The following CADPS variants were observed in gnomAD, a reference collection of about 807,000 sequenced individuals.
The protein encoded by CADPS is calcium-dependent secretion activator 1.
CADPS carries 57 observed loss-of-function variants against 167.3 expected under a neutral mutation model. That is an observed-to-expected ratio of 0.34 (90% CI 0.28 to 0.42). CADPS has a LOEUF of 0.42. Among genes scored for constraint, CADPS ranks in the 20% least tolerant of loss-of-function variants. The pLI is 1.00. For synonymous variants in CADPS, 676 were observed against 635.3 expected (o/e 1.06, Z -0.96); for missense variants, 1,414 against 1,738.1 (o/e 0.81, Z 3.32).
chr3:62,759,901 A>AT (rs1160605755), intron 2 of CADPS, among the ~76,000 whole-genome samples: 1 of 152,166 alleles, frequency 6.6e-6, no homozygotes, highest in African/African-American at 2.4e-5. Context: ...GGCAAGGTGC[A>AT]TTTTCATTTC....
Position 62,474,005 on chromosome 3 carries a change from C to G in CADPS, c.3477+168G>C. 3.8e-6 allele frequency: 2 copies of G among 525,920 alleles called. 1 individual carries two copies. The highest frequency in any genetic ancestry group is 6.4e-5 in the South Asian group (2 of 31,428). The allele number at this position is 525,920 out of a possible 1,614,324, so 32.6% of individuals were successfully genotyped here. A position where few individuals can be genotyped will look rare whatever the true frequency, so the allele number is the denominator to read the frequency against. ...TCTCATCAGCACATGCCTTAGAAAT[C>G]TACTTGACAAACAGATACTGAACAC... On this transcript the variant is annotated intron_variant, in intron 24 of 29. Coordinates refer to ENST00000383710, the MANE Select transcript of CADPS (RefSeq NM_003716.4).
rs771152842 is a variant in CADPS at position 62,765,877 on chromosome 3, G to A, written c.549C>T (p.Tyr183=). Residue 183 remains tyrosine, a synonymous_variant, in exon 2 of 30, where the codon TAC becomes TAT. Transcript: ENST00000383710. The stretch of plus-strand genomic sequence containing the variant: ...TCTGAACAGTGATTCTCACCTCATA[G>A]TAACTCTGCACAGCGTTCATGAAGG... ...DEAFMNAVQS[Y]YEVFLKSDRV... 1 of 1,606,596 alleles carries A rather than the reference G, an allele frequency of 6.2e-7. No individual in the cohort carries two copies. Among genetic ancestry groups the A allele is most frequent in the South Asian group, 1.1e-5 (1 of 90,832 alleles).
intron 1 of CADPS, among the ~76,000 whole-genome samples, chr3:62,776,837 C>T (rs1028839151): frequency 2.0e-5 from 3 of 151,698 alleles, no homozygotes; most frequent in East Asian, 1.9e-4. Context: ...AGAGGAAGGC[C>T]GTAGGGAGAA....
intron 28 of CADPS, among the ~76,000 whole-genome samples, chr3:62,408,977 G>C (rs1281438010): frequency 6.6e-6 from 1 of 152,202 alleles, no homozygotes; most frequent in East Asian, 1.9e-4. Flanking sequence ...GCACTCACGT[G>C]CATGTACAAT....
intron 3 of CADPS, among the ~76,000 whole-genome samples, chr3:62,740,971 T>C (rs1290285875): frequency 6.6e-6 from 1 of 152,232 alleles, no homozygotes; most frequent in African/African-American, 2.4e-5. Context: ...ATGGATTTTA[T>C]TCCTTCAAAT....
At chr3:62,842,287 G>T (rs2076754829) in intron 1 of CADPS, among the ~76,000 whole-genome samples, 1 of 152,162 alleles carries the variant, frequency 6.6e-6, no homozygotes, top group Non-Finnish European at 1.5e-5. Flanking sequence ...TTCAGATGAG[G>T]AAACTGAGGT....
At position 62,445,791 on chromosome 3, in the gene CADPS, C is replaced by A; in HGVS notation, c.3643G>T (p.Ala1215Ser). The A allele has an allele frequency of 6.6e-7, 1 of 1,518,342 alleles. No individual in the cohort carries two copies. Among genetic ancestry groups the A allele is most frequent in the Non-Finnish European group, 8.7e-7 (1 of 1,143,880 alleles). The allele number at this position is 1,518,342 out of a possible 1,614,324, so 94.1% of individuals were successfully genotyped here. ...FSSFLSFTVKAASKYVDVPKP... is the reference protein window; with the variant it reads ...FSSFLSFTVKSASKYVDVPKP... ...GGTACATCCACATATTTGGAAGCTG[C>A]CTTCACCTAAAGAGGAAAGAAGAGG... Residue 1215 changes from alanine (A) to serine (S), a missense_variant, in exon 27 of 30, where the codon GCA becomes TCA. Around this residue, in one of 6 missense-constraint regions of CADPS, gnomAD observed 185 missense variants for 251.5 expected, o/e 0.74. Coordinates refer to ENST00000383710, the MANE Select transcript of CADPS (RefSeq NM_003716.4).
At position 62,602,064 on chromosome 3, in the gene CADPS, A is replaced by T. The variant is rs906886057; in HGVS notation, c.1326-9316T>A. Among the ~76,000 whole-genome samples, 3 of 152,154 alleles carry T rather than the reference A, an allele frequency of 2.0e-5. No homozygotes were observed. Among genetic ancestry groups the T allele is most frequent in the Admixed American group, 2.0e-4 (3 of 15,276 alleles). ...TAATCAAATACACACAGTAATTTTC[A>T]TTAGAATTTTTCCCCCCATGAACAA... On this transcript the variant is annotated intron_variant, in intron 6 of 29. Coordinates refer to ENST00000383710, the MANE Select transcript of CADPS (RefSeq NM_003716.4). This position sits in a 1 kb window ranked among gnomAD's most constrained non-coding sequence, Gnocchi z 4.4.
At position 62,875,249 on chromosome 3, in the gene CADPS, G is replaced by T; in HGVS notation, c.-220C>A. 1 of 400,744 alleles carries T rather than the reference G, an allele frequency of 2.5e-6. No individual in the cohort carries two copies. Among genetic ancestry groups the T allele is most frequent in the Non-Finnish European group, 4.1e-6 (1 of 244,580 alleles). The allele number at this position is 400,744 out of a possible 1,614,324, so 24.8% of individuals were successfully genotyped here. ...GAAGCGCGAAGGGAGGAGGGGAAGG[G>T]AGAGGTGCGTCCGTGGACTCGAGGT... On this transcript the variant is annotated 5_prime_UTR_variant, in exon 1 of 30. Transcript: ENST00000383710.
intron 3 of CADPS, among the ~76,000 whole-genome samples, chr3:62,717,467 C>T (rs1354417264): frequency 6.6e-6 from 1 of 152,150 alleles, no homozygotes; most frequent in African/African-American, 2.4e-5. Flanking sequence ...ACTCCGCCCT[C>T]CTCCAAACCG....
intron 1 of CADPS, among the ~76,000 whole-genome samples, chr3:62,771,731 G>A (rs892060690): frequency 2.0e-5 from 3 of 152,176 alleles, no homozygotes; most frequent in African/African-American, 7.2e-5. Flanking sequence ...GATTATTGTA[G>A]AAGACAGTGC....
rs72891969 is a variant in CADPS at position 62,596,872 on chromosome 3, A to G, written c.1326-4124T>C. Among the ~76,000 whole-genome samples the G allele has an allele frequency of 8.3e-3, 1,263 of 152,338 alleles. 15 individuals carry two copies. The highest frequency in any genetic ancestry group is 0.025 in the African/African-American group (1,050 of 41,580). On this transcript the variant is annotated intron_variant, in intron 6 of 29. Coordinates refer to ENST00000383710, the MANE Select transcript of CADPS (RefSeq NM_003716.4). ...GCCATTTCACAGATGAGAAAACTGA[A>G]GAGACACTCAAAGATCTTGCCTATT...
intron 6 of CADPS, among the ~76,000 whole-genome samples, chr3:62,603,361 A>T (rs2060236843): frequency 6.6e-6 from 1 of 152,242 alleles, no homozygotes; most frequent in Non-Finnish European, 1.5e-5. Flanking sequence ...TCCATGCTAT[A>T]AACTTCATAA....
At chr3:62,538,303 A>ATG (rs1308859020) in intron 11 of CADPS, among the ~76,000 whole-genome samples, 3 of 152,194 alleles carry the variant, frequency 2.0e-5, no homozygotes, top group African/African-American at 7.2e-5. Flanking sequence ...CTTCTAGGGC[A>ATG]TGTGTGTGAC....
intron 1 of CADPS, among the ~76,000 whole-genome samples, chr3:62,774,913 T>C (rs1165397973): frequency 2.0e-5 from 3 of 152,222 alleles, no homozygotes; most frequent in East Asian, 1.9e-4. Flanking sequence ...TCTTGAAAGT[T>C]AGATGCACTG....
At chr3:62,469,264 T>C (rs183644174) in intron 24 of CADPS, among the ~76,000 whole-genome samples, 4 of 152,320 alleles carry the variant, frequency 2.6e-5, no homozygotes, top group Admixed American at 2.6e-4. Context: ...ATGAGACTTA[T>C]TGGATTAACT....
At chr3:62,469,929 C>A (rs1276537205) in intron 24 of CADPS, among the ~76,000 whole-genome samples, 2 of 152,164 alleles carry the variant, frequency 1.3e-5, no homozygotes, top group African/African-American at 4.8e-5. Context: ...GGCTGAGGTG[C>A]AAATTCACAA....
intron 6 of CADPS, among the ~76,000 whole-genome samples, chr3:62,631,105 A>G (rs886864442): frequency 1.3e-4 from 18 of 139,018 alleles, no homozygotes; most frequent in African/African-American, 4.5e-4. Flanking sequence ...CTTTATCTGT[A>G]TAATACACAC....
chr3:62,577,162 C>T (rs1417945543), intron 8 of CADPS, among the ~76,000 whole-genome samples: 1 of 152,098 alleles, frequency 6.6e-6, no homozygotes, highest in Non-Finnish European at 1.5e-5. Flanking sequence ...TCTGGGACTA[C>T]TTGGTAGGGT....
Sources: gnomAD v4.1 joint callset for allele counts (sites outside exome capture counted in the v4.1 genomes callset) on GRCh38, gnomAD v4.1.1 for gene constraint, gnomAD v4.1.1 regional missense constraint, Gnocchi (gnomAD v3.1) non-coding constraint, MANE v1.5 for transcripts, NCBI Gene and HGNC (gene_info 2026-07-23, HGNC 2026-07-21) for gene names.